FSTL4: variants seen among roughly 807,000 people sequenced by gnomAD.
FSTL4 encodes the protein follistatin like 4, also known as follistatin-related protein 4.
A neutral mutation model predicts 78.2 loss-of-function variants in FSTL4; 28 were observed. The observed-to-expected ratio is 0.36, with a 90% CI of 0.27 to 0.49. The LOEUF is 0.49. Ranked by LOEUF, FSTL4 falls within the 20% of genes least tolerant of loss-of-function variation. The pLI, the probability that FSTL4 is intolerant of heterozygous loss-of-function variation, is 0.98. For synonymous variants in FSTL4, 422 were observed against 440.5 expected, an observed-to-expected ratio of 0.96 and a Z score of 0.53; for missense variants, 922 against 1,084.9, an observed-to-expected ratio of 0.85 and a Z score of 2.11.
chr5:133,414,497 G>A (rs573351788), intron 3 of FSTL4, among the ~76,000 whole-genome samples: 27 of 152,246 alleles, frequency 1.8e-4, no homozygotes, highest in East Asian at 3.9e-4. Context: ...CAAAACCAAC[G>A]TTCACCTAGT....
the FSTL4 span, among the ~76,000 whole-genome samples, chr5:133,830,896 C>T: frequency 1.6e-3 from 245 of 152,288 alleles, 3 homozygotes; most frequent in South Asian, 0.026. Context: ...CTTGGCCACT[C>T]ATCAAGAACA....
At chr5:133,305,895 A>G (rs1352281624) in intron 6 of FSTL4, among the ~76,000 whole-genome samples, 1 of 152,018 alleles carries the variant, frequency 6.6e-6, no homozygotes, top group Non-Finnish European at 1.5e-5. Flanking sequence ...CAGATGGGAG[A>G]TGAGACCGGG....
At chr5:133,405,659 C>T (rs1756345328) in intron 3 of FSTL4, among the ~76,000 whole-genome samples, 1 of 152,234 alleles carries the variant, frequency 6.6e-6, no homozygotes, top group Non-Finnish European at 1.5e-5. Flanking sequence ...CAGTATTCTT[C>T]CCCGCTTTAA....
intron 3 of FSTL4, among the ~76,000 whole-genome samples, chr5:133,506,757 G>A (rs1215175582): frequency 6.6e-6 from 1 of 152,172 alleles, no homozygotes; most frequent in African/African-American, 2.4e-5. Context: ...ATCCATCTTG[G>A]CTCTCAGTGC....
intron 3 of FSTL4, among the ~76,000 whole-genome samples, chr5:133,403,500 T>C (rs929874750): frequency 6.6e-6 from 1 of 152,168 alleles, no homozygotes; most frequent in Non-Finnish European, 1.5e-5. Flanking sequence ...CCCAGTATAC[T>C]CAGGTTTTAA....
At chr5:133,644,731 C>G in the FSTL4 span, among the ~76,000 whole-genome samples, 18,067 of 152,122 alleles carry the variant, frequency 0.12, 1,189 homozygotes, top group Admixed American at 0.22. Flanking sequence ...TCACCTCTCC[C>G]CCAGACCCAT....
chr5:133,361,004 G>A lies in FSTL4; in HGVS notation c.409+39734C>T, dbSNP rs1306651567. 6.6e-6 allele frequency among the ~76,000 whole-genome samples: 1 copy of A among 152,198 alleles called. No individual in the cohort carries two copies. The highest frequency in any genetic ancestry group is 1.5e-5 in the Non-Finnish European group (1 of 68,036). ...TGTTCAATCACAATAACACAATTGT[G>A]TAGGACCTTTTTTTCTCTTCTTGGA... On this transcript the variant is annotated intron_variant, in intron 4 of 15. Coordinates refer to ENST00000265342, the MANE Select transcript of FSTL4 (RefSeq NM_015082.2). This position sits in a 1 kb window ranked among gnomAD's most constrained non-coding sequence, Gnocchi z 4.3.
At chr5:133,716,077 A>G in the FSTL4 span, among the ~76,000 whole-genome samples, 1 of 152,228 alleles carries the variant, frequency 6.6e-6, no homozygotes, top group African/African-American at 2.4e-5. Flanking sequence ...GTACTGGTTC[A>G]AATGCTGTTA....
At chr5:133,356,281 T>G (rs556068357) in intron 4 of FSTL4, among the ~76,000 whole-genome samples, 1 of 152,232 alleles carries the variant, frequency 6.6e-6, no homozygotes, top group African/African-American at 2.4e-5. Context: ...CCTTCATTCA[T>G]GGGCTCATGG....
chr5:133,238,869 G>C (rs11242146), intron 7 of FSTL4, among the ~76,000 whole-genome samples: 98,061 of 152,156 alleles, frequency 0.64, 31,901 homozygotes, highest in East Asian at 0.82. Flanking sequence ...GAGCCTCCTC[G>C]GCCTTGGTTC....
Position 133,197,301 on chromosome 5 carries a change from G to T in FSTL4, c.*1794C>A, listed in dbSNP as rs1750173040. ...ATATTGAGGCAGGAAAAAAAAAGGGGTGAGATGGGTCATCCATGCATCCCA... is the reference window on the plus strand; with the variant it reads ...ATATTGAGGCAGGAAAAAAAAAGGGTTGAGATGGGTCATCCATGCATCCCA... On this transcript the variant is annotated 3_prime_UTR_variant, in exon 16 of 16. Coordinates refer to ENST00000265342, the MANE Select transcript of FSTL4 (RefSeq NM_015082.2). 6.6e-6 allele frequency: 1 copy of T among 152,160 alleles called. No individual in the cohort carries two copies. The highest frequency in any genetic ancestry group is 1.5e-5 in the Non-Finnish European group (1 of 68,042). The allele number at this position is 152,160 out of a possible 1,614,324, so 9.4% of individuals were successfully genotyped here.
At chr5:133,582,196 G>A (rs973474927) in intron 2 of FSTL4, among the ~76,000 whole-genome samples, 20 of 152,292 alleles carry the variant, frequency 1.3e-4, no homozygotes, top group African/African-American at 4.8e-4. Flanking sequence ...GTAGGCTCAA[G>A]CAGCCAGGAC....
chr5:133,548,555 C>T (rs1490562952), intron 3 of FSTL4, among the ~76,000 whole-genome samples: 1 of 152,028 alleles, frequency 6.6e-6, no homozygotes, highest in Non-Finnish European at 1.5e-5. Flanking sequence ...AAAATGGTAA[C>T]CTGTAATCAT....
At chr5:133,224,068 C>A in intron 11 of FSTL4, 122 bp downstream of exon 11, 1 of 665,036 alleles carries the variant, frequency 1.5e-6, no homozygotes, top group South Asian at 2.1e-5. Context: ...TTGACATTGA[C>A]TTCCTGCTCC....
chr5:133,609,371 G>A (rs1331294710), intron 1 of FSTL4, among the ~76,000 whole-genome samples: 4 of 152,126 alleles, frequency 2.6e-5, no homozygotes, highest in Non-Finnish European at 5.9e-5. Context: ...AATACTGACT[G>A]AATACAACGT....
the FSTL4 span, among the ~76,000 whole-genome samples, chr5:133,729,668 T>C: frequency 6.6e-6 from 1 of 152,090 alleles, no homozygotes; most frequent in East Asian, 1.9e-4. Flanking sequence ...TTCTACCACC[T>C]ACAGGCTAAA....
intron 6 of FSTL4, among the ~76,000 whole-genome samples, chr5:133,270,948 T>C (rs1458144644): frequency 6.6e-6 from 1 of 152,240 alleles, no homozygotes; most frequent in Non-Finnish European, 1.5e-5. Flanking sequence ...TGAAAAACTT[T>C]ACCTCCATCC....
chr5:133,372,245 C>CTATGTATGTATGTATG (rs1554108980), intron 4 of FSTL4, among the ~76,000 whole-genome samples: 1,615 of 140,148 alleles, frequency 0.012, 12 homozygotes, highest in African/African-American at 0.022. Flanking sequence ...ATCTATGTAT[C>CTATGTATGTATGTATG]TATGTATGTA....
the FSTL4 span, among the ~76,000 whole-genome samples, chr5:133,796,049 C>T: frequency 2.6e-5 from 4 of 152,346 alleles, no homozygotes. Context: ...TTACCAGCCC[C>T]CCTCCCACTC....
Sources: gnomAD v4.1 joint callset for allele counts (sites outside exome capture counted in the v4.1 genomes callset) on GRCh38, gnomAD v4.1.1 for gene constraint, Gnocchi (gnomAD v3.1) non-coding constraint, MANE v1.5 for transcripts, NCBI Gene and HGNC (gene_info 2026-07-23, HGNC 2026-07-21) for gene names.